Variants in PCDH11Y observed in about 807,000 individuals in gnomAD.
PCDH11Y encodes the protein protocadherin-11 Y-linked.
For missense variants in PCDH11Y, 12 were observed against 224.8 expected (o/e 0.05, Z 6.05); for synonymous variants, 9 against 83.6 (o/e 0.11, Z 4.87).
chrY:5,373,359 T>C, intron 2 of PCDH11Y, among the ~76,000 whole-genome samples: 4 of 26,242 alleles, frequency 1.5e-4, no homozygotes, highest in Non-Finnish European at 3.4e-4. Flanking sequence ...CTAATTTTTA[T>C]ATTTTTAGTA....
intron 1 of PCDH11Y, among the ~76,000 whole-genome samples, chrY:5,093,508 G>A: frequency 6.1e-5 from 2 of 32,585 alleles, no homozygotes; most frequent in Admixed American, 2.8e-4. Flanking sequence ...TTGATCACAC[G>A]TATCCGTGTT....
chrY:5,243,383 C>T, intron 2 of PCDH11Y, among the ~76,000 whole-genome samples: 1 of 32,107 alleles, frequency 3.1e-5, no homozygotes, highest in Admixed American at 2.7e-4. Context: ...AGGCACACTA[C>T]ACCTTCGTTT....
chrY:5,073,293 C>T, intron 1 of PCDH11Y, among the ~76,000 whole-genome samples: 1 of 32,899 alleles, frequency 3.0e-5, no homozygotes, highest in Non-Finnish European at 7.4e-5. Context: ...AACTGGTTTG[C>T]TGCTATTCTG....
intron 2 of PCDH11Y, among the ~76,000 whole-genome samples, chrY:5,118,602 A>G: frequency 4.9e-5 from 1 of 20,270 alleles, no homozygotes; most frequent in South Asian, 1.5e-3. Context: ...AGACTGTAGT[A>G]TTACCTATAA....
intron 2 of PCDH11Y, among the ~76,000 whole-genome samples, chrY:5,135,080 T>C: frequency 3.0e-5 from 1 of 33,227 alleles, no homozygotes. Flanking sequence ...TCACATGAGA[T>C]ATAAAAGTAG....
intron 2 of PCDH11Y, among the ~76,000 whole-genome samples, chrY:5,351,602 C>T (rs2053159371): frequency 3.3e-5 from 1 of 29,856 alleles, no homozygotes; most frequent in South Asian, 7.5e-4. Context: ...TTTAATCTTT[C>T]TTAATGAGCA....
intron 2 of PCDH11Y, among the ~76,000 whole-genome samples, chrY:5,355,625 C>A (rs2053165105): frequency 3.1e-5 from 1 of 31,755 alleles, no homozygotes; most frequent in South Asian, 6.9e-4. Context: ...AATGCAACTT[C>A]CTGAGAAAAT....
intron 4 of PCDH11Y, among the ~76,000 whole-genome samples, chrY:5,627,794 T>A: frequency 2.1e-4 from 7 of 32,729 alleles, no homozygotes; most frequent in Non-Finnish European, 3.7e-4. Context: ...AAACCCATTA[T>A]TATAAATCAA....
intron 2 of PCDH11Y, among the ~76,000 whole-genome samples, chrY:5,217,488 A>G (rs2052948081): frequency 3.0e-5 from 1 of 33,285 alleles, no homozygotes; most frequent in East Asian, 7.9e-4. Flanking sequence ...ACTGGTGTAA[A>G]TGGGGTGTAG....
At chrY:5,578,843 A>G in intron 3 of PCDH11Y, among the ~76,000 whole-genome samples, 1 of 33,733 alleles carries the variant, frequency 3.0e-5, no homozygotes, top group East Asian at 7.7e-4. Flanking sequence ...TTCTAAACAA[A>G]TGTCTTTGAA....
intron 2 of PCDH11Y, among the ~76,000 whole-genome samples, chrY:5,132,957 A>C: frequency 3.1e-5 from 1 of 32,726 alleles, no homozygotes; most frequent in Non-Finnish European, 7.6e-5. Flanking sequence ...TTTTTATATT[A>C]TTCATCATTA....
intron 1 of PCDH11Y, 23 bp from the exon 3 acceptor site, chrY:5,098,192 C>A: frequency 2.6e-6 from 1 of 382,919 alleles, no homozygotes; most frequent in Non-Finnish European, 3.7e-6. Flanking sequence ...TAAGTTAATT[C>A]TGTTTCATTG....
intron 2 of PCDH11Y, among the ~76,000 whole-genome samples, chrY:5,468,970 C>A: frequency 3.2e-5 from 1 of 31,265 alleles, no homozygotes; most frequent in Non-Finnish European, 7.8e-5. Context: ...ATGTTAAAAT[C>A]CTCACCCCTA....
intron 2 of PCDH11Y, among the ~76,000 whole-genome samples, chrY:5,203,708 T>A (rs2052929162): frequency 1.1e-4 from 3 of 28,430 alleles, no homozygotes; most frequent in African/African-American, 4.2e-4. Flanking sequence ...TGTGAATAGA[T>A]AACCATAATA....
chrY:5,337,085 T>C, intron 2 of PCDH11Y, among the ~76,000 whole-genome samples: 1 of 33,369 alleles, frequency 3.0e-5, no homozygotes, highest in Admixed American at 2.8e-4. Context: ...TTGTGACAAT[T>C]TGATATCATT....
At chrY:5,565,967 A>G in intron 3 of PCDH11Y, among the ~76,000 whole-genome samples, 1 of 24,201 alleles carries the variant, frequency 4.1e-5, no homozygotes, top group Non-Finnish European at 9.1e-5. Context: ...TATATAATAT[A>G]TATATATATA....
At chrY:5,242,088 A>T (rs2052988969) in intron 2 of PCDH11Y, among the ~76,000 whole-genome samples, 1 of 27,449 alleles carries the variant, frequency 3.6e-5, no homozygotes, top group Non-Finnish European at 8.6e-5. Context: ...TGTCTCTATA[A>T]AAAAAAAAAA....
chrY:5,549,397 C>T, intron 3 of PCDH11Y, among the ~76,000 whole-genome samples: 1 of 30,036 alleles, frequency 3.3e-5, no homozygotes, highest in Non-Finnish European at 8.1e-5. Flanking sequence ...AAATCAAAAC[C>T]GCAATGAGAT....
intron 2 of PCDH11Y, among the ~76,000 whole-genome samples, chrY:5,325,290 G>A (rs2124666314): frequency 6.3e-5 from 2 of 31,990 alleles, no homozygotes; most frequent in East Asian, 8.5e-4. Context: ...GTGTTGGGGC[G>A]GTGAAAATTT....
Sources: allele counts gnomAD v4.1 joint callset (sites outside exome capture counted in the v4.1 genomes callset), GRCh38; gene constraint gnomAD v4.1.1; transcripts MANE v1.5; gene names NCBI Gene and HGNC (gene_info 2026-07-23, HGNC 2026-07-21).